ANKRD50: variants seen among roughly 807,000 people sequenced by gnomAD.
The protein encoded by ANKRD50 is ankyrin repeat domain 50, also known as ankyrin repeat domain-containing protein 50.
Under a neutral mutation model 112.0 loss-of-function variants are expected in ANKRD50, and 40 were observed. The ratio of observed to expected loss-of-function variants is 0.36; its 90% CI spans 0.28 to 0.46. The LOEUF (loss-of-function observed/expected upper bound fraction) is 0.46. Ranked by LOEUF, ANKRD50 falls within the 20% of genes least tolerant of loss-of-function variation. The pLI is 1.00. For missense variants in ANKRD50, 1,487 were observed against 1,701.7 expected, an observed-to-expected ratio of 0.87 and a Z score of 2.22; for synonymous variants, 613 against 619.1, an observed-to-expected ratio of 0.99 and a Z score of 0.15.
At position 124,696,358 on chromosome 4, in the gene ANKRD50, G is replaced by GA. The variant is rs1446237943; in HGVS notation, c.512+13641dup. Among the ~76,000 whole-genome samples the GA allele has an allele frequency of 6.6e-5, 10 of 151,860 alleles. No individual in the cohort carries two copies. The South Asian group carries it at 2.1e-3, about 32-fold the overall frequency. ...GGACAGAGAAAAGACAGAGAAAACA[G>GA]AAAAAATGAAAAAGATGTGTGGAAC... On this transcript the variant is annotated intron_variant, in intron 2 of 4. Transcript: ENST00000504087.
chr4:124,708,201 C>G (rs1043114501), intron 2 of ANKRD50, among the ~76,000 whole-genome samples: 1 of 152,074 alleles, frequency 6.6e-6, no homozygotes, highest in Admixed American at 6.5e-5. Context: ...AGTTTTAATT[C>G]TATTAAAAGG....
Position 124,710,189 on chromosome 4 carries a change from A to G in ANKRD50, c.323T>C (p.Leu108Ser). 6.2e-7 allele frequency: 1 copy of G among 1,614,192 alleles called. No individual in the cohort carries two copies. The highest frequency in any genetic ancestry group is 8.5e-7 in the Non-Finnish European group (1 of 1,180,034). The change falls in exon 2 of 5, where the codon TTG (leucine) becomes TCG (serine). Residue 108 changes from leucine to serine, a missense_variant. Physicochemically the swap from Leu to Ser is moderately radical, Grantham distance 145 (BLOSUM62 -2). Coordinates refer to ENST00000504087, the MANE Select transcript of ANKRD50 (RefSeq NM_020337.3). ...SLQRGLHRQA[L>S]AFHFCKAQDS... ...CTGGGCTTTGCAGAAATGAAAGGCC[A>G]AAGCTTGGCGATGTAAACCTCTCTG... is the stretch of plus-strand genomic sequence containing the variant.
In ANKRD50 at chr4:124,682,842, TTTAA is replaced by T. The variant is rs775337103; in HGVS notation, c.513-3941_513-3938del. On this transcript the variant is annotated intron_variant, in intron 2 of 4. Coordinates refer to ENST00000504087, the MANE Select transcript of ANKRD50 (RefSeq NM_020337.3). ...ATTTTTACCCAGTCAAATTCTATCC[TTTAA>T]TTAAGATATTTATCATTTACACTTA... Among the ~76,000 whole-genome samples, 32 of 152,152 alleles carry T rather than the reference TTTAA, an allele frequency of 2.1e-4. 1 individual carries two copies. The highest frequency in any genetic ancestry group is 1.3e-3 in the East Asian group (7 of 5,200).
Position 124,671,737 on chromosome 4 carries a change from T to G in ANKRD50, c.1540A>C (p.Thr514Pro). The change falls in exon 4 of 5, where the codon ACA becomes CCA. Residue 514 changes from threonine to proline, a missense_variant. Thr to Pro is a conservative substitution (Grantham distance 38). Transcript: ENST00000504087. ...AAGGCTTGTCGAACTATGCATGATG[T>G]GCGATCGTCTTCACTGTTGACATGA... ...GAHVNSEDDR[T>P]SCIVRQALER... 1.2e-6 allele frequency: 2 copies of G among 1,613,934 alleles called. No individual in the cohort carries two copies. Among genetic ancestry groups the G allele is most frequent in the Non-Finnish European group, 1.7e-6 (2 of 1,179,870 alleles).
Position 124,670,076 on chromosome 4 carries a change from A to G in ANKRD50, c.3201T>C (p.His1067=), listed in dbSNP as rs1312208236. 3 of 1,613,256 alleles carry G rather than the reference A, an allele frequency of 1.9e-6. No individual in the cohort carries two copies. The highest frequency in any genetic ancestry group is 2.5e-6 in the Non-Finnish European group (3 of 1,179,752). The change falls in exon 4 of 5, where the codon CAT becomes CAC. Residue 1067 remains histidine, a synonymous_variant. Coordinates refer to ENST00000504087, the MANE Select transcript of ANKRD50 (RefSeq NM_020337.3). ...HIDVVQVLLE[H]GADPNHADQF... ...GATCAGCATGGTTTGGATCAGCACCATGCTCTAATAAGACCTGAACAACAT... is the reference window on the plus strand; with the variant it reads ...GATCAGCATGGTTTGGATCAGCACCGTGCTCTAATAAGACCTGAACAACAT...
At chr4:124,686,644 A>T (rs2110517061) in intron 2 of ANKRD50, among the ~76,000 whole-genome samples, 1 of 152,226 alleles carries the variant, frequency 6.6e-6, no homozygotes, top group Admixed American at 6.5e-5. Flanking sequence ...GGATCAGAAG[A>T]CCTCACCCCA....
intron 2 of ANKRD50, among the ~76,000 whole-genome samples, chr4:124,686,645 C>T (rs925389896): frequency 6.6e-6 from 1 of 152,092 alleles, no homozygotes; most frequent in African/African-American, 2.4e-5. Context: ...GATCAGAAGA[C>T]CTCACCCCAG....
At chr4:124,701,307 T>G (rs1163247609) in intron 2 of ANKRD50, among the ~76,000 whole-genome samples, 1 of 151,922 alleles carries the variant, frequency 6.6e-6, no homozygotes, top group African/African-American at 2.4e-5. Context: ...CAATCTCTTA[T>G]GACAAACACC....
In ANKRD50 at chr4:124,678,763, C is replaced by A; in HGVS notation, c.655G>T (p.Ala219Ser). 6.2e-7 allele frequency: 1 copy of A among 1,613,882 alleles called. No homozygotes were observed. Among genetic ancestry groups the A allele is most frequent in the Non-Finnish European group, 8.5e-7 (1 of 1,179,824 alleles). Residue 219 changes from alanine to serine, a missense_variant, in exon 3 of 5, where the codon GCT becomes TCT. Coordinates refer to ENST00000504087, the MANE Select transcript of ANKRD50 (RefSeq NM_020337.3). ...GGTGGAAAGAACTCATGGTGACCAG[C>A]TAAAAGTGCTGCAACAGTCCCAGAT... ...SLSGTVAALLAGHHEFFPPWL... is the reference protein window; with the variant it reads ...SLSGTVAALLSGHHEFFPPWL...
chr4:124,687,102 T>C (rs1725021754), intron 2 of ANKRD50, among the ~76,000 whole-genome samples: 1 of 152,232 alleles, frequency 6.6e-6, no homozygotes, highest in Non-Finnish European at 1.5e-5. Context: ...TACCCAATTT[T>C]AAGATTTACT....
chr4:124,683,521 TC>T (rs1473984649), intron 2 of ANKRD50, among the ~76,000 whole-genome samples: 1 of 151,910 alleles, frequency 6.6e-6, no homozygotes, highest in Admixed American at 6.6e-5. Context: ...CTAGAACATA[TC>T]CCTTCTATTT....
chr4:124,702,117 G>A (rs981548747), intron 2 of ANKRD50, among the ~76,000 whole-genome samples: 1 of 151,848 alleles, frequency 6.6e-6, no homozygotes, highest in Non-Finnish European at 1.5e-5. Flanking sequence ...TGAGCATAAT[G>A]CGCTCTGTGA....
chr4:124,706,106 T>G (rs979586162), intron 2 of ANKRD50, among the ~76,000 whole-genome samples: 2 of 152,146 alleles, frequency 1.3e-5, no homozygotes, highest in African/African-American at 4.8e-5. Flanking sequence ...GTTATTTCTC[T>G]CTATATGAAT....
At chr4:124,696,403 T>C (rs911889844) in intron 2 of ANKRD50, among the ~76,000 whole-genome samples, 7 of 151,972 alleles carry the variant, frequency 4.6e-5, no homozygotes, top group Admixed American at 2.0e-4. Context: ...AGGTACAACA[T>C]ACATACAATT....
rs1730485536 is a variant in ANKRD50, at chr4:124,666,178, G to A, written c.*1340C>T. On this transcript the variant is annotated 3_prime_UTR_variant, in exon 5 of 5. Transcript: ENST00000504087. The stretch of plus-strand genomic sequence containing the variant: ...CCAGACATATAAACGACCCATCTAA[G>A]CTACAGCTCCACTGATTTAAGAGTA... The A allele has an allele frequency of 6.6e-6, 1 of 152,354 alleles. No individual in the cohort carries two copies. The highest frequency in any genetic ancestry group is 2.4e-5 in the African/African-American group (1 of 41,398). The allele number at this position is 152,354 out of a possible 1,614,324, so 9.4% of individuals were successfully genotyped here. A position where few individuals can be genotyped will look rare whatever the true frequency, so the allele number is the denominator to read the frequency against.
intron 3 of ANKRD50, among the ~76,000 whole-genome samples, chr4:124,673,849 T>C (rs1730714157): frequency 2.0e-5 from 3 of 152,228 alleles, no homozygotes; most frequent in East Asian, 1.9e-4. Flanking sequence ...CCTTTGTATA[T>C]AGATTTATAT....
intron 2 of ANKRD50, among the ~76,000 whole-genome samples, chr4:124,679,157 TAAC>T (rs1480264316): frequency 6.6e-6 from 1 of 152,132 alleles, no homozygotes; most frequent in Non-Finnish European, 1.5e-5. Context: ...TCAGCATAAT[TAAC>T]AAAGGCATTC....
At chr4:124,685,382 C>T (rs1443025306) in intron 2 of ANKRD50, among the ~76,000 whole-genome samples, 3 of 152,076 alleles carry the variant, frequency 2.0e-5, no homozygotes, top group Non-Finnish European at 4.4e-5. Context: ...TATTAAGTTC[C>T]CTTTCAATTA....
Position 124,670,965 on chromosome 4 carries a change from C to T in ANKRD50, c.2312G>A (p.Gly771Glu). The change falls in exon 4 of 5, where the codon GGA becomes GAA. Residue 771 changes from glycine to glutamate, a missense_variant. Around this residue, in one of 2 missense-constraint regions of ANKRD50, gnomAD observed 1,046 missense variants for 1,269.5 expected, o/e 0.82. Transcript: ENST00000504087. The stretch of plus-strand genomic sequence containing the variant: ...GTTATCTGTGTGATCTACATCTGCT[C>T]CCCCTTCTAGAAGCAAGTCAACCAC... ...VDVVDLLLEG[G>E]ADVDHTDNNG... 6.2e-7 allele frequency: 1 copy of T among 1,613,808 alleles called. No individual in the cohort carries two copies. The highest frequency in any genetic ancestry group is 8.5e-7 in the Non-Finnish European group (1 of 1,179,866).
Sources: allele counts gnomAD v4.1 joint callset (sites outside exome capture counted in the v4.1 genomes callset), GRCh38; gene constraint gnomAD v4.1.1; regional missense constraint gnomAD v4.1.1; transcripts MANE v1.5; gene names NCBI Gene and HGNC (gene_info 2026-07-23, HGNC 2026-07-21).